Variants in KCNIP4 observed in about 807,000 individuals in gnomAD.
KCNIP4 encodes the protein potassium voltage-gated channel interacting protein 4.
A neutral mutation model predicts 34.0 loss-of-function variants in KCNIP4; 12 were observed. That is an observed-to-expected ratio of 0.35 (90% CI 0.23 to 0.57). The LOEUF (loss-of-function observed/expected upper bound fraction) is 0.57. KCNIP4 is among the 20% of genes least tolerant of loss of function. The pLI, the probability that KCNIP4 is intolerant of heterozygous loss-of-function variation, is 0.83. For synonymous variants in KCNIP4, 124 were observed against 102.2 expected, an observed-to-expected ratio of 1.21 and a Z score of -1.29; for missense variants, 238 against 311.7, an observed-to-expected ratio of 0.76 and a Z score of 1.78.
intron 1 of KCNIP4, among the ~76,000 whole-genome samples, chr4:21,657,880 G>A (rs968845181): frequency 1.3e-5 from 2 of 148,912 alleles, no homozygotes; most frequent in Non-Finnish European, 1.5e-5. Context: ...TCGCTTTGTC[G>A]CCAGGCTGCA....
intron 1 of KCNIP4, among the ~76,000 whole-genome samples, chr4:21,059,375 T>C (rs906017266): frequency 1.3e-5 from 2 of 152,170 alleles, no homozygotes; most frequent in African/African-American, 4.8e-5. Context: ...CAAATTGTCT[T>C]CAGGGAGCTA....
At chr4:21,046,001 T>C (rs1055253548) in intron 1 of KCNIP4, among the ~76,000 whole-genome samples, 2 of 152,238 alleles carry the variant, frequency 1.3e-5, no homozygotes, top group Non-Finnish European at 2.9e-5. Context: ...TGGGAAATTT[T>C]AATTTGATAC....
At chr4:20,913,181 A>G (rs867695292) in intron 1 of KCNIP4, among the ~76,000 whole-genome samples, 9 of 152,164 alleles carry the variant, frequency 5.9e-5, no homozygotes, top group African/African-American at 2.2e-4. Context: ...TTTTCAGCCA[A>G]AAAAAGAATG....
At chr4:21,552,209 T>C (rs951079557) in intron 1 of KCNIP4, among the ~76,000 whole-genome samples, 6 of 152,106 alleles carry the variant, frequency 3.9e-5, no homozygotes, top group Non-Finnish European at 7.4e-5. Context: ...TTACATTCAT[T>C]TGGAAAAAAA....
At chr4:21,679,074 C>T (rs1274668015) in intron 1 of KCNIP4, among the ~76,000 whole-genome samples, 2 of 152,064 alleles carry the variant, frequency 1.3e-5, no homozygotes, top group African/African-American at 4.8e-5. Flanking sequence ...AGAAAGGACT[C>T]AGAAAAAAAT....
intron 1 of KCNIP4, among the ~76,000 whole-genome samples, chr4:21,093,962 G>A (rs1166643509): frequency 2.0e-5 from 3 of 151,888 alleles, no homozygotes; most frequent in Non-Finnish European, 4.4e-5. Context: ...GGCGCCTGTA[G>A]TCCCAGCTAC....
At chr4:21,528,945 T>C (rs1421030490) in intron 1 of KCNIP4, among the ~76,000 whole-genome samples, 3 of 151,986 alleles carry the variant, frequency 2.0e-5, no homozygotes, top group African/African-American at 7.2e-5. Flanking sequence ...CAAGTGGTCA[T>C]GTGGCATGGC....
At chr4:21,544,598 T>C (rs1447181716) in intron 1 of KCNIP4, 1 of 152,198 alleles carries the variant, frequency 6.6e-6, no homozygotes, top group Non-Finnish European at 1.5e-5. Context: ...TCAAACCGGG[T>C]GCTGCTCTCT....
chr4:21,546,048 T>G (rs1415789119), intron 1 of KCNIP4, among the ~76,000 whole-genome samples: 1 of 152,142 alleles, frequency 6.6e-6, no homozygotes, highest in Non-Finnish European at 1.5e-5. Flanking sequence ...TTCTTTCTTA[T>G]GCGAGACCTA....
chr4:21,870,729 G>A (rs1415583676), intron 1 of KCNIP4, among the ~76,000 whole-genome samples: 2 of 152,074 alleles, frequency 1.3e-5, no homozygotes, highest in African/African-American at 4.8e-5. Context: ...TCTTTTGTGT[G>A]GCAAAGTCAA....
intron 1 of KCNIP4, among the ~76,000 whole-genome samples, chr4:21,524,109 GAC>G (rs1367641254): frequency 6.6e-6 from 1 of 152,040 alleles, no homozygotes. Flanking sequence ...AGAATGGAGA[GAC>G]ATAGACATAT....
intron 1 of KCNIP4, among the ~76,000 whole-genome samples, chr4:21,204,300 T>C (rs1387070833): frequency 1.3e-5 from 2 of 152,192 alleles, no homozygotes; most frequent in Non-Finnish European, 2.9e-5. Context: ...CTATAGAATA[T>C]TGGGAGTCCC....
chr4:21,173,733 C>T (rs915102883), intron 1 of KCNIP4, among the ~76,000 whole-genome samples: 2 of 152,152 alleles, frequency 1.3e-5, no homozygotes, highest in East Asian at 1.9e-4. Flanking sequence ...AGCCGTGGAC[C>T]CCACCTGCTA....
chr4:21,140,461 T>C (rs921420200), intron 1 of KCNIP4, among the ~76,000 whole-genome samples: 1 of 152,174 alleles, frequency 6.6e-6, no homozygotes, highest in Non-Finnish European at 1.5e-5. Flanking sequence ...AATTAACTAA[T>C]GCATCTAAAA....
At chr4:21,706,214 G>A (rs1403193500) in intron 1 of KCNIP4, among the ~76,000 whole-genome samples, 2 of 152,146 alleles carry the variant, frequency 1.3e-5, no homozygotes, top group African/African-American at 4.8e-5. Context: ...TTTCAGAGAT[G>A]TTTGAGCAAA....
intron 1 of KCNIP4, among the ~76,000 whole-genome samples, chr4:21,209,663 C>T (rs923502496): frequency 6.6e-5 from 10 of 151,984 alleles, no homozygotes; most frequent in African/African-American, 1.9e-4. Flanking sequence ...TGCTGTGGCT[C>T]CCCAATATGG....
Position 21,903,494 on chromosome 4 carries a change from T to C in KCNIP4, c.61+45077A>G, listed in dbSNP as rs1036186914. On this transcript the variant is annotated intron_variant, in intron 1 of 8. Coordinates refer to ENST00000382152, the MANE Select transcript of KCNIP4 (RefSeq NM_025221.6). ...AGTCACTTCAATATTAATTGGTCTT[T>C]CAAAGCTTAAACAGAAATGGCTATT... 3.9e-5 allele frequency among the ~76,000 whole-genome samples: 6 copies of C among 152,296 alleles called. No homozygotes were observed. The East Asian group carries it at 1.2e-3, about 29-fold the overall frequency.
intron 1 of KCNIP4, among the ~76,000 whole-genome samples, chr4:20,969,876 A>G (rs1734751469): frequency 6.6e-6 from 1 of 152,030 alleles, no homozygotes; most frequent in Non-Finnish European, 1.5e-5. Context: ...ATACAATATT[A>G]TTAAGTTTAA....
intron 1 of KCNIP4, among the ~76,000 whole-genome samples, chr4:21,927,232 G>A (rs973582076): frequency 6.6e-6 from 1 of 152,114 alleles, no homozygotes; most frequent in Non-Finnish European, 1.5e-5. Context: ...ACTGACACCT[G>A]ATCACCCTGG....
Sources: gnomAD v4.1 joint callset for allele counts (sites outside exome capture counted in the v4.1 genomes callset) on GRCh38, gnomAD v4.1.1 for gene constraint, MANE v1.5 for transcripts, NCBI Gene and HGNC (gene_info 2026-07-23, HGNC 2026-07-21) for gene names.